The following NT5DC2 variants were observed in gnomAD, a reference collection of about 807,000 sequenced individuals.
NT5DC2 encodes the protein 5'-nucleotidase domain-containing protein 2.
A neutral mutation model predicts 70.0 loss-of-function variants in NT5DC2; 41 were observed. The observed-to-expected ratio is 0.59, with a 90% confidence interval of 0.46 to 0.76. The LOEUF (loss-of-function observed/expected upper bound fraction) is 0.76. NT5DC2 is among the 30% of genes least tolerant of loss of function. The pLI is 0.00. For missense variants in NT5DC2, 705 were observed against 783.2 expected, an observed-to-expected ratio of 0.90 and a Z score of 1.19; for synonymous variants, 299 against 310.4, an observed-to-expected ratio of 0.96 and a Z score of 0.39.
chr3:52,530,438 G>A (rs529404707), intron 1 of NT5DC2, among the ~76,000 whole-genome samples: 1 of 152,264 alleles, frequency 6.6e-6, no homozygotes, highest in South Asian at 2.1e-4. Flanking sequence ...AGATGTGCTA[G>A]GAAGGCCACA....
At chr3:52,528,384 A>G (rs2079311278) in intron 5 of NT5DC2, 62 bp downstream of exon 5, 1 of 1,613,158 alleles carries the variant, frequency 6.2e-7, no homozygotes, top group Non-Finnish European at 8.5e-7. Context: ...GAGGGCCCCA[A>G]ATCTGCCTTG....
upstream of NT5DC2, chr3:52,533,950 G>T: frequency 1.9e-6 from 1 of 532,798 alleles, no homozygotes; most frequent in Non-Finnish European, 2.4e-6. Flanking sequence ...GGCGGGGCGG[G>T]GAGGGCTCCC....
chr3:52,529,275 CGTT>C lies in NT5DC2; in HGVS notation c.289_291del (p.Asn97del). 1 of 1,613,922 alleles carries C rather than the reference CGTT, an allele frequency of 6.2e-7. No homozygotes were observed. The highest frequency in any genetic ancestry group is 8.5e-7 in the Non-Finnish European group (1 of 1,179,998). ...ACCTCAACGTCACGCAGGCTGATCT[CGTT>C]GTTGGCGTAGATGGCTGCTGGGTTC... On this transcript the variant is annotated inframe_deletion, in exon 2 of 14. Transcript: ENST00000422318. The surrounding 1 kb of genome is among the most constrained non-coding windows in gnomAD (Gnocchi z 4.1).
chr3:52,534,375 C>T (rs2153249109), upstream of NT5DC2: 6 of 1,179,302 alleles, frequency 5.1e-6, no homozygotes, highest in East Asian at 5.1e-5. Flanking sequence ...AAGAGCCCTT[C>T]CCGCGCTTCC....
At chr3:52,533,947 C>A, upstream of NT5DC2, 3 of 536,474 alleles carry the variant, frequency 5.6e-6, no homozygotes, top group Non-Finnish European at 7.1e-6. Flanking sequence ...CGGGGCGGGG[C>A]GGGGAGGGCT....
chr3:52,533,694 A>G lies in NT5DC2; in HGVS notation c.44T>C (p.Leu15Pro). The G allele has an allele frequency of 9.4e-7, 1 of 1,063,510 alleles. No individual in the cohort carries two copies. Among genetic ancestry groups the G allele is most frequent in the Non-Finnish European group, 1.1e-6 (1 of 882,044 alleles). 65.9% of individuals were successfully genotyped at this position (1,063,510 alleles called of 1,614,324 possible). ...TCGCGGCCCGCCGTGGCCTCCGCAC[A>G]GCAGCCAGCGCCGAGCGGCCGCCCG... ...GLRAAARRWL[L>P]CGGHGGPRAA... Residue 15 changes from leucine to proline, a missense_variant, in exon 1 of 14, where the codon CTG becomes CCG. Physicochemically the swap from Leu to Pro is moderately conservative, Grantham distance 98. Transcript: ENST00000422318.
Position 52,533,662 on chromosome 3 carries a change from A to T in NT5DC2, c.76T>A (p.Ser26Thr). The T allele has an allele frequency of 7.8e-6, 9 of 1,156,540 alleles. No homozygotes were observed. Among genetic ancestry groups the T allele is most frequent in the Non-Finnish European group, 8.5e-6 (8 of 940,440 alleles). 71.6% of individuals were successfully genotyped at this position (1,156,540 alleles called of 1,614,324 possible). A position where few individuals can be genotyped will look rare whatever the true frequency, so the allele number is the denominator to read the frequency against. ...CACCCAGGGCAGGAGGGCGAGGACG[A>T]GGCGGCTCGCGGCCCGCCGTGGCCT... ...CGGHGGPRAASSSPSCPGCGP... is the reference protein window; with the variant it reads ...CGGHGGPRAATSSPSCPGCGP... Residue 26 changes from serine to threonine, a missense_variant, in exon 1 of 14, where the codon TCG (serine) becomes ACG (threonine). Coordinates refer to ENST00000422318, the MANE Select transcript of NT5DC2 (RefSeq NM_001134231.2).
Position 52,524,517 on chromosome 3 carries a change from C to A in NT5DC2, c.1627G>T (p.Gly543Cys). 6.2e-7 allele frequency: 1 copy of A among 1,612,944 alleles called. No homozygotes were observed. ...CCAAGGAAGGGGGTCTTCATGCAGC[C>A]GGTGCAGAGCTGGTCCATCCAGAGG... ...APLWMDQLCT[G>C]CMKTPFLGDM... Residue 543 changes from glycine (G) to cysteine (C), a missense_variant, in exon 14 of 14, where the codon GGC becomes TGC. Physicochemically the swap from Gly to Cys is radical, Grantham distance 159. Coordinates refer to ENST00000422318, the MANE Select transcript of NT5DC2 (RefSeq NM_001134231.2).
chr3:52,528,988 G>A, intron 2 of NT5DC2, 53 bp from the exon 3 acceptor site: 1 of 1,606,300 alleles, frequency 6.2e-7, no homozygotes, highest in South Asian at 1.1e-5. Context: ...AGACCTGCTG[G>A]CTGGGTGGCC....
chr3:52,526,544 A>T (rs1181268873), intron 10 of NT5DC2: 1 of 152,268 alleles, frequency 6.6e-6, no homozygotes, highest in Non-Finnish European at 1.5e-5. Flanking sequence ...GCCAGGTAGG[A>T]AGGAGGAGTT....
Position 52,533,773 on chromosome 3 carries a change from C to T in NT5DC2, c.-36G>A. 1.0e-6 allele frequency: 1 copy of T among 965,500 alleles called. No individual in the cohort carries two copies. Among genetic ancestry groups the T allele is most frequent in the Non-Finnish European group, 1.2e-6 (1 of 820,144 alleles). The allele number at this position is 965,500 out of a possible 1,614,324, so 59.8% of individuals were successfully genotyped here. On this transcript the variant is annotated 5_prime_UTR_variant, in exon 1 of 14. Coordinates refer to ENST00000422318, the MANE Select transcript of NT5DC2 (RefSeq NM_001134231.2). ...CGCCGCCCGCCGCCCGCGCTGCCCT[C>T]GGCCAGCCCGCCGCCCGCCGCCCGC... is the stretch of plus-strand genomic sequence containing the variant.
chr3:52,524,509 C>T lies in NT5DC2; in HGVS notation c.1635G>A (p.Met545Ile), dbSNP rs2079204440. The T allele has an allele frequency of 6.2e-7, 1 of 1,612,826 alleles. No homozygotes were observed. The highest frequency in any genetic ancestry group is 1.7e-5 in the Admixed American group (1 of 60,002). Residue 545 changes from methionine (M) to isoleucine (I), a missense_variant, in exon 14 of 14, where the codon ATG becomes ATA. Met to Ile is a conservative substitution (Grantham distance 10). Coordinates refer to ENST00000422318, the MANE Select transcript of NT5DC2 (RefSeq NM_001134231.2). ...CCATGTCACCAAGGAAGGGGGTCTT[C>T]ATGCAGCCGGTGCAGAGCTGGTCCA... ...LWMDQLCTGCMKTPFLGDMAH... is the reference protein window; with the variant it reads ...LWMDQLCTGCIKTPFLGDMAH...
intron 1 of NT5DC2, chr3:52,532,205 G>C: frequency 1.0e-6 from 1 of 985,456 alleles, no homozygotes; most frequent in Non-Finnish European, 1.2e-6. Flanking sequence ...TGTATGACAA[G>C]AGGAGCTTAG....
In NT5DC2 at chr3:52,527,844, C is replaced by T; in HGVS notation, c.920G>A (p.Ser307Asn). 6.2e-7 allele frequency: 1 copy of T among 1,613,390 alleles called. No homozygotes were observed. Among genetic ancestry groups the T allele is most frequent in the Non-Finnish European group, 8.5e-7 (1 of 1,180,026 alleles). Residue 307 changes from serine (S) to asparagine (N), a missense_variant, in exon 8 of 14, where the codon AGT becomes AAT. By Grantham distance (46) the Ser-to-Asn change is conservative. Coordinates refer to ENST00000422318, the MANE Select transcript of NT5DC2 (RefSeq NM_001134231.2). ...CTGGACTCACACGAAGCTGAAAGGACTGTTGGTGATGAGGAACAGCTGTTT... is the reference window on the plus strand; with the variant it reads ...CTGGACTCACACGAAGCTGAAAGGATTGTTGGTGATGAGGAACAGCTGTTT... ...HGKQLFLITNSPFSFVDKGMR... is the reference protein window; with the variant it reads ...HGKQLFLITNNPFSFVDKGMR...
upstream of NT5DC2, chr3:52,534,229 C>A (rs1575394320): frequency 2.1e-6 from 1 of 471,644 alleles, no homozygotes; most frequent in East Asian, 4.3e-5. Context: ...CTGGATGCTT[C>A]TGACCCCAGA....
At chr3:52,528,408 T>C (rs1175804361) in intron 5 of NT5DC2, 38 bp downstream of exon 5, 1 of 1,613,216 alleles carries the variant, frequency 6.2e-7, no homozygotes, top group Admixed American at 1.7e-5. Context: ...CATGGGCACA[T>C]GTCCATGGGG....
rs1371356026 is a variant in NT5DC2 at position 52,531,447 on chromosome 3, C to G, written c.232+2059G>C. Among the ~76,000 whole-genome samples, 1 of 152,142 alleles carries G rather than the reference C, an allele frequency of 6.6e-6. No homozygotes were observed. The highest frequency in any genetic ancestry group is 2.4e-5 in the African/African-American group (1 of 41,416). On this transcript the variant is annotated intron_variant, in intron 1 of 13. Transcript: ENST00000422318. This position sits in a 1 kb window ranked among gnomAD's most constrained non-coding sequence, Gnocchi z 4.1. ...CTTGGTGCAGAAGACCTGGGAGGGTCTGCTCGGCAGTGCAGCCCCTTGCTG... is the reference window on the plus strand; with the variant it reads ...CTTGGTGCAGAAGACCTGGGAGGGTGTGCTCGGCAGTGCAGCCCCTTGCTG...
chr3:52,530,223 T>C (rs1404423803), intron 1 of NT5DC2, among the ~76,000 whole-genome samples: 2 of 152,220 alleles, frequency 1.3e-5, no homozygotes, highest in Admixed American at 6.5e-5. Flanking sequence ...CTTCTGGGGA[T>C]GTGGTCGTGG....
intron 1 of NT5DC2, among the ~76,000 whole-genome samples, chr3:52,533,221 A>C (rs1402481652): frequency 2.0e-5 from 3 of 152,136 alleles, no homozygotes; most frequent in African/African-American, 7.2e-5. Context: ...CCCCGAAGGA[A>C]GTCGGCGGGG....
Sources: gnomAD v4.1 joint callset for allele counts (sites outside exome capture counted in the v4.1 genomes callset) on GRCh38, gnomAD v4.1.1 for gene constraint, Gnocchi (gnomAD v3.1) non-coding constraint, MANE v1.5 for transcripts, NCBI Gene and HGNC (gene_info 2026-07-23, HGNC 2026-07-21) for gene names.